The following SLC5A10 variants were observed in gnomAD, a reference collection of about 807,000 sequenced individuals.
SLC5A10 encodes solute carrier family 5 member 10.
In SLC5A10, 55 loss-of-function variants were observed where a neutral mutation model predicts 68.9. The observed-to-expected ratio is 0.80, with a 90% confidence interval of 0.64 to 1.00. The LOEUF (loss-of-function observed/expected upper bound fraction) is 1.00, where lower values mean the gene tolerates loss of function less well. Ranked by LOEUF, SLC5A10 falls within the 50% of genes least tolerant of loss-of-function variation. The probability of loss-of-function intolerance (pLI) is 0.00; values close to 1 mark genes in which losing one functional copy is unlikely to be tolerated. For missense variants in SLC5A10, 732 were observed against 819.3 expected (o/e 0.89, Z 1.30); for synonymous variants, 344 against 344.8 (o/e 1.00, Z 0.02).
At chr17:19,013,274 C>T in intron 9 of SLC5A10, 136 bp from the exon 10 acceptor site, 1 of 1,430,650 alleles carries the variant, frequency 7.0e-7, no homozygotes, top group Non-Finnish European at 9.3e-7. Context: ...GAAACTGAGG[C>T]CCAAGGCCAA....
chr17:19,021,944 C>A lies in SLC5A10; in HGVS notation c.*1513C>A. ...CTGTAAAAAGGCCCGTTGGCCAGATCGGCCGCCGGGCTGCTCACAGGTGCA... is the reference window on the plus strand; with the variant it reads ...CTGTAAAAAGGCCCGTTGGCCAGATAGGCCGCCGGGCTGCTCACAGGTGCA... On this transcript the variant is annotated 3_prime_UTR_variant, in exon 15 of 15. Transcript: ENST00000395645. This position sits in a 1 kb window ranked among gnomAD's most constrained non-coding sequence, Gnocchi z 4.1. 1 of 1,496,784 alleles carries A rather than the reference C, an allele frequency of 6.7e-7. No homozygotes were observed. Among genetic ancestry groups the A allele is most frequent in the Non-Finnish European group, 8.9e-7 (1 of 1,124,214 alleles). The allele number at this position is 1,496,784 out of a possible 1,614,324, so 92.7% of individuals were successfully genotyped here. A position where few individuals can be genotyped will look rare whatever the true frequency, so the allele number is the denominator to read the frequency against.
chr17:19,014,925 C>T lies in SLC5A10; in HGVS notation c.1091-124C>T, dbSNP rs1249289971. The T allele has an allele frequency of 2.0e-5, 24 of 1,195,704 alleles. No homozygotes were observed. In the Middle Eastern group the frequency reaches 8.1e-4, roughly 40 times the overall value. 74.1% of individuals were successfully genotyped at this position (1,195,704 alleles called of 1,614,324 possible). ...AACCTCCTCAGCTTCTCTCCCTCCCCGCCCTCTGCCTTGGAGGAGCATGCA... is the reference window on the plus strand; with the variant it reads ...AACCTCCTCAGCTTCTCTCCCTCCCTGCCCTCTGCCTTGGAGGAGCATGCA... On this transcript the variant is annotated intron_variant, in intron 10 of 14. Transcript: ENST00000395645.
chr17:18,991,513 G>C (rs892439211), intron 9 of SLC5A10, among the ~76,000 whole-genome samples: 2 of 152,170 alleles, frequency 1.3e-5, no homozygotes, highest in Non-Finnish European at 2.9e-5. Flanking sequence ...GGAAATGAGA[G>C]GGGAGGCTGA....
Position 18,969,625 on chromosome 17 carries a change from C to A in SLC5A10, c.640+203C>A, listed in dbSNP as rs1402436678. The A allele has an allele frequency of 1.1e-5, 6 of 529,674 alleles. No homozygotes were observed. The South Asian group carries it at 1.8e-4, about 16-fold the overall frequency. The allele number at this position is 529,674 out of a possible 1,614,324, so 32.8% of individuals were successfully genotyped here. ...GGACTGCCCTGGCTGGTAGAGGCTA[C>A]CCACCCTGCTGCCCCGCTGTTACCA... On this transcript the variant is annotated intron_variant, in intron 7 of 14. Coordinates refer to ENST00000395645, the MANE Select transcript of SLC5A10 (RefSeq NM_001042450.4).
chr17:18,993,377 T>TTTC (rs971864480), intron 9 of SLC5A10, among the ~76,000 whole-genome samples: 1 of 152,222 alleles, frequency 6.6e-6, no homozygotes, highest in African/African-American at 2.4e-5. Flanking sequence ...CACTTGCGTA[T>TTTC]TTCTTCTCAG....
At chr17:18,993,683 C>T (rs988207128) in intron 9 of SLC5A10, among the ~76,000 whole-genome samples, 6 of 152,206 alleles carry the variant, frequency 3.9e-5, no homozygotes, top group African/African-American at 1.4e-4. Flanking sequence ...ACTTTCCCAC[C>T]TGAGAAGTGC....
At position 19,004,983 on chromosome 17, in the gene SLC5A10, G is replaced by A. The variant is rs1227226749; in HGVS notation, c.983-8427G>A. Among the ~76,000 whole-genome samples, 1 of 152,202 alleles carries A rather than the reference G, an allele frequency of 6.6e-6. No homozygotes were observed. Among genetic ancestry groups the A allele is most frequent in the African/African-American group, 2.4e-5 (1 of 41,464 alleles). ...CTCCTGGAACACCCATCCCAGAGAGGGACAGTGTTCTCCCTGAGGTCACAC... is the reference window on the plus strand; with the variant it reads ...CTCCTGGAACACCCATCCCAGAGAGAGACAGTGTTCTCCCTGAGGTCACAC... On this transcript the variant is annotated intron_variant, in intron 9 of 14. Transcript: ENST00000395645. This position sits in a 1 kb window ranked among gnomAD's most constrained non-coding sequence, Gnocchi z 5.4.
At chr17:18,992,519 C>A (rs2043454204) in intron 9 of SLC5A10, among the ~76,000 whole-genome samples, 1 of 152,218 alleles carries the variant, frequency 6.6e-6, no homozygotes, top group South Asian at 2.1e-4. Flanking sequence ...TGGCTGCTGG[C>A]GTTGGGGGTG....
At chr17:18,984,278 C>A (rs2043210726) in intron 9 of SLC5A10, among the ~76,000 whole-genome samples, 1 of 145,366 alleles carries the variant, frequency 6.9e-6, no homozygotes, top group African/African-American at 2.6e-5. Flanking sequence ...GGAGGCAGAG[C>A]TTGCAGTTCA....
chr17:18,988,482 A>T, intron 9 of SLC5A10: 1 of 1,584,938 alleles, frequency 6.3e-7, no homozygotes, highest in South Asian at 1.1e-5. Context: ...GCCCTGGCAG[A>T]GCGCACAGCC....
chr17:18,972,867 TAA>T lies in SLC5A10; in HGVS notation c.846+1665_846+1666del, dbSNP rs35947526. On this transcript the variant is annotated intron_variant, in intron 8 of 14. Transcript: ENST00000395645. ...CTGGGGGACAGAGCGAGACTCCGTC[TAA>T]AAAAAAAAAAAAAAAGAACAGACCC... Among the ~76,000 whole-genome samples the T allele has an allele frequency of 6.7e-3, 929 of 137,738 alleles. 7 individuals carry two copies. Among genetic ancestry groups the T allele is most frequent in the African/African-American group, 0.017 (624 of 36,594 alleles). 90.4% of individuals were successfully genotyped at this position (137,738 alleles called of 152,430 possible).
chr17:19,020,522 A>C lies in SLC5A10; in HGVS notation c.*91A>C. The C allele has an allele frequency of 1.6e-6, 2 of 1,250,292 alleles. No individual in the cohort carries two copies. The highest frequency in any genetic ancestry group is 2.3e-6 in the Non-Finnish European group (2 of 878,984). 77.4% of individuals were successfully genotyped at this position (1,250,292 alleles called of 1,614,324 possible). ...GATCCCGAGGCCCCAAGAGGGGCAG[A>C]TTCCCCTCACAGCTGCACAGCAGCT... is the stretch of plus-strand genomic sequence containing the variant. On this transcript the variant is annotated 3_prime_UTR_variant, in exon 15 of 15. Transcript: ENST00000395645.
chr17:19,005,688 C>G (rs2043867776), intron 9 of SLC5A10, among the ~76,000 whole-genome samples: 1 of 151,686 alleles, frequency 6.6e-6, no homozygotes, highest in South Asian at 2.1e-4. Context: ...CATGGCCCAT[C>G]AGGACTCCTT....
intron 9 of SLC5A10, among the ~76,000 whole-genome samples, chr17:19,010,541 C>T (rs2043991814): frequency 6.6e-6 from 1 of 152,222 alleles, no homozygotes; most frequent in Non-Finnish European, 1.5e-5. Context: ...TTCTTTCTTG[C>T]TGCTCAGCAC....
chr17:18,976,847 C>G lies in SLC5A10; in HGVS notation c.847-7C>G, dbSNP rs1372939669. 6.2e-7 allele frequency: 1 copy of G among 1,612,894 alleles called. No individual in the cohort carries two copies. The highest frequency in any genetic ancestry group is 8.5e-7 in the Non-Finnish European group (1 of 1,179,994). On this transcript the variant is annotated splice_region_variant and splice_polypyrimidine_tract_variant and intron_variant, in intron 8 of 14. Transcript: ENST00000395645. ...TGGACTCACCCCGTCTCGCACTCCA[C>G]CCCCAGGTCATCGTGCAGCGATCAC...
At chr17:18,965,706 C>A (rs2042695504) in intron 5 of SLC5A10, among the ~76,000 whole-genome samples, 2 of 152,238 alleles carry the variant, frequency 1.3e-5, no homozygotes, top group Admixed American at 6.5e-5. Flanking sequence ...GTGTACTGGG[C>A]TCCCGCCCTT....
At chr17:18,975,156 C>T (rs1173063139) in intron 8 of SLC5A10, among the ~76,000 whole-genome samples, 2 of 152,208 alleles carry the variant, frequency 1.3e-5, no homozygotes, top group African/African-American at 4.8e-5. Flanking sequence ...TAGACAGAAC[C>T]ACCGTCTAAC....
intron 9 of SLC5A10, among the ~76,000 whole-genome samples, chr17:18,992,043 C>T (rs11652364): frequency 1.3e-5 from 2 of 152,102 alleles, no homozygotes; most frequent in East Asian, 1.9e-4. Context: ...GAGCCAACAG[C>T]GAGCCTGCGC....
chr17:19,015,366 C>T lies in SLC5A10; in HGVS notation c.1241+167C>T, dbSNP rs542367076. 2.8e-3 allele frequency among the ~76,000 whole-genome samples: 428 copies of T among 152,278 alleles called. 4 individuals carry two copies. The highest frequency in any genetic ancestry group is 0.021 in the South Asian group (102 of 4,834). ...CATCCATACCACCTCTCACATTGCTCTCCTGTCCACCTCTGTGTGATCACA... is the reference window on the plus strand; with the variant it reads ...CATCCATACCACCTCTCACATTGCTTTCCTGTCCACCTCTGTGTGATCACA... On this transcript the variant is annotated intron_variant, in intron 11 of 14. Transcript: ENST00000395645.
Sources: gnomAD v4.1 joint callset for allele counts (sites outside exome capture counted in the v4.1 genomes callset) on GRCh38, gnomAD v4.1.1 for gene constraint, Gnocchi (gnomAD v3.1) non-coding constraint, MANE v1.5 for transcripts, NCBI Gene and HGNC (gene_info 2026-07-23, HGNC 2026-07-21) for gene names.